TCF4: variants seen among roughly 807,000 people sequenced by gnomAD.
The protein encoded by TCF4 is transcription factor 4.
Under a neutral mutation model 82.1 loss-of-function variants are expected in TCF4, and 3 were observed. The ratio of observed to expected loss-of-function variants is 0.04; its 90% CI spans 0.02 to 0.09. TCF4 has a LOEUF of 0.09. TCF4 is among the 10% of genes least tolerant of loss of function. TCF4 has a pLI of 1.00. For synonymous variants in TCF4, 276 were observed against 309.6 expected (o/e 0.89, Z 1.14); for missense variants, 518 against 852.7 (o/e 0.61, Z 4.89).
At chr18:55,334,159 C>T (rs1264422654) in intron 8 of TCF4, among the ~76,000 whole-genome samples, 2 of 152,106 alleles carry the variant, frequency 1.3e-5, no homozygotes, top group Admixed American at 6.6e-5. Context: ...ACAGACTAAA[C>T]TGCTAATTCA....
chr18:55,403,397 A>T, intron 6 of TCF4, 57 bp downstream of exon 6: 1 of 1,595,346 alleles, frequency 6.3e-7, no homozygotes, highest in Non-Finnish European at 8.6e-7. Flanking sequence ...TTTAGAAAAC[A>T]AACTGATTTA....
chr18:55,287,738 G>A (rs900863949), intron 8 of TCF4, among the ~76,000 whole-genome samples: 1 of 152,166 alleles, frequency 6.6e-6, no homozygotes, highest in Non-Finnish European at 1.5e-5. Flanking sequence ...TGCCTTCTGC[G>A]TGCAAAGCAC....
chr18:55,245,060 T>C (rs1180665143), intron 15 of TCF4, among the ~76,000 whole-genome samples: 1 of 152,202 alleles, frequency 6.6e-6, no homozygotes, highest in African/African-American at 2.4e-5. Flanking sequence ...TTTATGGATA[T>C]AGAGGAAGCT....
chr18:55,420,447 T>C (rs1300066377), intron 5 of TCF4, among the ~76,000 whole-genome samples: 1 of 152,192 alleles, frequency 6.6e-6, no homozygotes, highest in African/African-American at 2.4e-5. Context: ...CTTTTGGAAA[T>C]AATGGGATTC....
At chr18:55,612,845 G>A (rs2097708371) in intron 2 of TCF4, among the ~76,000 whole-genome samples, 1 of 152,124 alleles carries the variant, frequency 6.6e-6, no homozygotes, top group South Asian at 2.1e-4. Context: ...CTACTAGGGA[G>A]GCCGAGGCAC....
chr18:55,519,433 C>CA (rs34106037), intron 3 of TCF4, among the ~76,000 whole-genome samples: 31 of 116,848 alleles, frequency 2.7e-4, no homozygotes, highest in East Asian at 1.0e-3. Flanking sequence ...GACCCCGTCT[C>CA]AAAAAAAGAA....
At chr18:55,473,703 T>C (rs1436423899) in intron 3 of TCF4, among the ~76,000 whole-genome samples, 1 of 152,194 alleles carries the variant, frequency 6.6e-6, no homozygotes, top group Non-Finnish European at 1.5e-5. Flanking sequence ...CAAACCACAC[T>C]ATATTACTCT....
chr18:55,274,000 T>C (rs1447964385), intron 10 of TCF4, among the ~76,000 whole-genome samples: 1 of 151,936 alleles, frequency 6.6e-6, no homozygotes, highest in Admixed American at 6.6e-5. Flanking sequence ...GGAAGAAAAA[T>C]TAATGTCAAA....
At chr18:55,449,740 A>C (rs2095589103) in intron 5 of TCF4, among the ~76,000 whole-genome samples, 1 of 152,230 alleles carries the variant, frequency 6.6e-6, no homozygotes, top group South Asian at 2.1e-4. Flanking sequence ...CTCTAAAATT[A>C]GCTTTATATG....
chr18:55,447,384 T>C (rs1321123449), intron 5 of TCF4, among the ~76,000 whole-genome samples: 1 of 152,060 alleles, frequency 6.6e-6, no homozygotes. Context: ...TGGGAACACA[T>C]GGATTATTTC....
chr18:55,536,654 A>G (rs1191316329), intron 3 of TCF4, among the ~76,000 whole-genome samples: 1 of 152,256 alleles, frequency 6.6e-6, no homozygotes, highest in Non-Finnish European at 1.5e-5. Context: ...GAACTATCAC[A>G]AGACAGATTT....
At chr18:55,236,106 CT>C (rs1407865611) in intron 15 of TCF4, among the ~76,000 whole-genome samples, 4 of 151,028 alleles carry the variant, frequency 2.6e-5, no homozygotes, top group Non-Finnish European at 4.4e-5. Context: ...TGCACTCCAA[CT>C]TTTTTTTAAA....
intron 3 of TCF4, among the ~76,000 whole-genome samples, chr18:55,476,520 A>G (rs2096292556): frequency 6.6e-6 from 1 of 151,216 alleles, no homozygotes; most frequent in African/African-American, 2.4e-5. Context: ...CATCTAGGGT[A>G]TATGTAGTGC....
intron 3 of TCF4, among the ~76,000 whole-genome samples, chr18:55,555,852 A>G (rs937941076): frequency 6.6e-6 from 1 of 152,252 alleles, no homozygotes; most frequent in Non-Finnish European, 1.5e-5. Context: ...ATTTAATTTG[A>G]GCAAATTAAT....
chr18:55,292,172 A>C (rs1306637924), intron 8 of TCF4, among the ~76,000 whole-genome samples: 1 of 152,134 alleles, frequency 6.6e-6, no homozygotes, highest in Non-Finnish European at 1.5e-5. Flanking sequence ...TTCTTAATTC[A>C]AAAAAATGTG....
At chr18:55,635,348 A>C (rs2097735280) in intron 1 of TCF4, among the ~76,000 whole-genome samples, 1 of 152,084 alleles carries the variant, frequency 6.6e-6, no homozygotes, top group South Asian at 2.1e-4. Context: ...GTCTCTACTA[A>C]AAATACAGAA....
intron 9 of TCF4, among the ~76,000 whole-genome samples, chr18:55,277,178 G>A (rs1266516326): frequency 1.3e-5 from 2 of 152,266 alleles, no homozygotes; most frequent in East Asian, 3.9e-4. Flanking sequence ...ACAGGACCAT[G>A]ATGCAACTGT....
At chr18:55,546,874 A>T (rs1050047903) in intron 3 of TCF4, 13 of 152,238 alleles carry the variant, frequency 8.5e-5, no homozygotes, top group East Asian at 7.7e-4. Flanking sequence ...CAGTCTTTGG[A>T]AAGAATGTCA....
chr18:55,603,818 A>G (rs2097699645), intron 2 of TCF4, among the ~76,000 whole-genome samples: 1 of 152,180 alleles, frequency 6.6e-6, no homozygotes, highest in Admixed American at 6.5e-5. Context: ...CTCATTTGTT[A>G]GGAGGCCAGG....
Sources: allele counts gnomAD v4.1 joint callset (sites outside exome capture counted in the v4.1 genomes callset), GRCh38; gene constraint gnomAD v4.1.1; transcripts MANE v1.5; gene names NCBI Gene and HGNC (gene_info 2026-07-23, HGNC 2026-07-21).